The following RFX3 variants were observed in gnomAD, a reference collection of about 807,000 sequenced individuals.
RFX3 encodes the protein transcription factor RFX3.
Under a neutral mutation model 98.6 loss-of-function variants are expected in RFX3, and 14 were observed. The ratio of observed to expected loss-of-function variants is 0.14; its 90% confidence interval spans 0.09 to 0.22. The LOEUF (loss-of-function observed/expected upper bound fraction) is 0.22, where lower values mean the gene tolerates loss of function less well. Ranked by LOEUF, RFX3 falls within the 10% of genes least tolerant of loss-of-function variation. RFX3 has a pLI of 1.00. For synonymous variants in RFX3, 383 were observed against 328.4 expected, an observed-to-expected ratio of 1.17 and a Z score of -1.80; for missense variants, 639 against 926.9, an observed-to-expected ratio of 0.69 and a Z score of 4.03.
intron 1 of RFX3, among the ~76,000 whole-genome samples, chr9:3,476,468 G>A (rs1000662229): frequency 6.6e-6 from 1 of 152,064 alleles, no homozygotes; most frequent in East Asian, 1.9e-4. Context: ...TGAAAACAGG[G>A]GAAGAGATGA....
At chr9:3,516,504 A>T (rs1818185453) in intron 1 of RFX3, among the ~76,000 whole-genome samples, 1 of 152,334 alleles carries the variant, frequency 6.6e-6, no homozygotes, top group African/African-American at 2.4e-5. Flanking sequence ...AAAATATGAG[A>T]CTAGTGTGGA....
At chr9:3,369,845 T>C (rs1339384512) in intron 2 of RFX3, among the ~76,000 whole-genome samples, 1 of 152,150 alleles carries the variant, frequency 6.6e-6, no homozygotes. Flanking sequence ...TGTTTGTTTG[T>C]TTGACACGGA....
chr9:3,500,757 T>C (rs1815915574), intron 1 of RFX3, among the ~76,000 whole-genome samples: 1 of 152,124 alleles, frequency 6.6e-6, no homozygotes, highest in Admixed American at 6.5e-5. Context: ...GTTATTAAAG[T>C]CAGATTCTAC....
Position 3,504,862 on chromosome 9 carries a change from A to T in RFX3, c.-9+20885T>A, listed in dbSNP as rs1242901795. ...AAAATATATATATTATATATGATAT[A>T]ATATATATTATATATATTATATATA... On this transcript the variant is annotated intron_variant, in intron 1 of 16. Transcript: ENST00000617270. Among the ~76,000 whole-genome samples the T allele has an allele frequency of 2.5e-4, 6 of 23,530 alleles. No homozygotes were observed. In the South Asian group the frequency reaches 2.9e-3, roughly 11 times the overall value. 15.4% of individuals were successfully genotyped at this position (23,530 alleles called of 152,430 possible).
chr9:3,283,244 C>A (rs956084149), intron 7 of RFX3, among the ~76,000 whole-genome samples: 1 of 151,690 alleles, frequency 6.6e-6, no homozygotes, highest in African/African-American at 2.4e-5. Context: ...CTAAATATCC[C>A]ATAAGAAAGA....
At chr9:3,358,487 T>C (rs1421554677) in intron 2 of RFX3, among the ~76,000 whole-genome samples, 2 of 152,100 alleles carry the variant, frequency 1.3e-5, no homozygotes, top group Admixed American at 1.3e-4. Flanking sequence ...TTGTCTAGGA[T>C]AGCAATATAT....
At chr9:3,341,998 A>G (rs1833941520) in intron 3 of RFX3, among the ~76,000 whole-genome samples, 1 of 152,230 alleles carries the variant, frequency 6.6e-6, no homozygotes, top group South Asian at 2.1e-4. Flanking sequence ...AAGAAAAGAG[A>G]TTGAGAGATT....
At chr9:3,478,670 C>A (rs1037329301) in intron 1 of RFX3, among the ~76,000 whole-genome samples, 22 of 152,166 alleles carry the variant, frequency 1.4e-4, no homozygotes, top group African/African-American at 4.6e-4. Context: ...AGGTGACATT[C>A]TCCTTTCCCA....
intron 1 of RFX3, among the ~76,000 whole-genome samples, chr9:3,409,754 T>C (rs187678793): frequency 6.8e-4 from 104 of 152,244 alleles, no homozygotes; most frequent in Admixed American, 3.0e-3. Context: ...GGTGAAGGAG[T>C]AATCGGTTTT....
At chr9:3,431,708 AGGATGGTTTG>A (rs777460695) in intron 1 of RFX3, among the ~76,000 whole-genome samples, 2 of 152,214 alleles carry the variant, frequency 1.3e-5, no homozygotes, top group Non-Finnish European at 2.9e-5. Context: ...ATGCCAGCAA[AGGATGGTTTG>A]GTAATTTTAG....
intron 4 of RFX3, among the ~76,000 whole-genome samples, chr9:3,327,375 A>C (rs1321815909): frequency 6.6e-6 from 1 of 152,098 alleles, no homozygotes; most frequent in Non-Finnish European, 1.5e-5. Flanking sequence ...TCACAACCTC[A>C]CTGTGAGTCA....
At chr9:3,256,282 C>T (rs1362700941) in intron 14 of RFX3, among the ~76,000 whole-genome samples, 6 of 151,848 alleles carry the variant, frequency 4.0e-5, no homozygotes, top group African/African-American at 1.5e-4. Context: ...TAATCACTAT[C>T]TCTTGACCAC....
intron 2 of RFX3, among the ~76,000 whole-genome samples, chr9:3,393,468 A>C (rs1170283396): frequency 6.6e-6 from 1 of 152,104 alleles, no homozygotes; most frequent in Non-Finnish European, 1.5e-5. Flanking sequence ...AGTGATAGGC[A>C]CTCTCTCAAA....
chr9:3,302,319 A>T (rs1228431085), intron 4 of RFX3, among the ~76,000 whole-genome samples: 1 of 151,828 alleles, frequency 6.6e-6, no homozygotes, highest in East Asian at 1.9e-4. Context: ...ACAATCACAG[A>T]AACAGCTCTA....
chr9:3,464,538 T>C (rs1848023155), intron 1 of RFX3, among the ~76,000 whole-genome samples: 1 of 152,160 alleles, frequency 6.6e-6, no homozygotes, highest in Admixed American at 6.5e-5. Flanking sequence ...CGTGATTCCA[T>C]TTATATAAAA....
intron 2 of RFX3, among the ~76,000 whole-genome samples, chr9:3,393,160 T>C (rs1024637312): frequency 3.9e-5 from 6 of 152,050 alleles, no homozygotes; most frequent in Non-Finnish European, 4.4e-5. Context: ...CAAGGTGCAG[T>C]AAAATAAGTA....
intron 14 of RFX3, among the ~76,000 whole-genome samples, chr9:3,253,380 G>A (rs1821685503): frequency 6.6e-6 from 1 of 152,188 alleles, no homozygotes; most frequent in Non-Finnish European, 1.5e-5. Flanking sequence ...TAGGCACCCT[G>A]TGCCTACTTT....
chr9:3,464,308 T>A (rs1443180498), intron 1 of RFX3, among the ~76,000 whole-genome samples: 2 of 152,182 alleles, frequency 1.3e-5, no homozygotes, highest in Non-Finnish European at 2.9e-5. Context: ...AAAACATATG[T>A]CCATAAAAAC....
chr9:3,504,141 T>C (rs1816372971), intron 1 of RFX3, among the ~76,000 whole-genome samples: 1 of 115,124 alleles, frequency 8.7e-6, no homozygotes, highest in South Asian at 2.6e-4. Flanking sequence ...ATATATATTA[T>C]ATATTATACA....
Sources: allele counts gnomAD v4.1 joint callset (sites outside exome capture counted in the v4.1 genomes callset), GRCh38; gene constraint gnomAD v4.1.1; transcripts MANE v1.5; gene names NCBI Gene and HGNC (gene_info 2026-07-23, HGNC 2026-07-21).